The following GLIS3 variants were observed in gnomAD, a reference collection of about 807,000 sequenced individuals.
The protein encoded by GLIS3 is zinc finger protein GLIS3.
In GLIS3, 53 loss-of-function variants were observed where a neutral mutation model predicts 78.6. That is an observed-to-expected ratio of 0.67 (90% CI 0.54 to 0.85). The LOEUF (loss-of-function observed/expected upper bound fraction) is 0.85, where lower values mean the gene tolerates loss of function less well. GLIS3 is among the 40% of genes least tolerant of loss of function. The pLI is 0.00. For missense variants in GLIS3, 1,703 were observed against 1,231.1 expected (o/e 1.38, Z -5.74); for synonymous variants, 684 against 509.9 (o/e 1.34, Z -4.60).
At chr9:4,078,907 G>A (rs1055331829) in intron 4 of GLIS3, among the ~76,000 whole-genome samples, 8 of 151,698 alleles carry the variant, frequency 5.3e-5, no homozygotes, top group African/African-American at 9.7e-5. Context: ...TCTGTCCCCC[G>A]CCCCACCCCA....
chr9:3,993,651 T>C (rs1050915692), intron 4 of GLIS3, among the ~76,000 whole-genome samples: 1 of 152,160 alleles, frequency 6.6e-6, no homozygotes, highest in Non-Finnish European at 1.5e-5. Flanking sequence ...AGCATATTTG[T>C]TTGTATATAT....
chr9:4,363,342 G>C, the GLIS3 span, among the ~76,000 whole-genome samples: 1 of 152,164 alleles, frequency 6.6e-6, no homozygotes, highest in African/African-American at 2.4e-5. Context: ...AGAATTGCTT[G>C]AATCCCTGAG....
the GLIS3 span, among the ~76,000 whole-genome samples, chr9:4,457,166 C>G: frequency 6.6e-6 from 1 of 151,770 alleles, no homozygotes; most frequent in Non-Finnish European, 1.5e-5. Flanking sequence ...AGTTTGAGAC[C>G]AGCTGAGGCA....
At chr9:3,861,904 A>T (rs1213634688) in intron 8 of GLIS3, among the ~76,000 whole-genome samples, 1 of 152,206 alleles carries the variant, frequency 6.6e-6, no homozygotes, top group Non-Finnish European at 1.5e-5. Context: ...TCTGTAACAA[A>T]CCGGCACATC....
intron 2 of GLIS3, among the ~76,000 whole-genome samples, chr9:4,129,324 C>T (rs1037731668): frequency 6.6e-6 from 1 of 152,184 alleles, no homozygotes; most frequent in Admixed American, 6.5e-5. Context: ...ATCTGCCAAA[C>T]AGGGATAAAG....
intron 7 of GLIS3, among the ~76,000 whole-genome samples, chr9:3,880,447 T>C (rs1460680524): frequency 6.6e-6 from 1 of 152,248 alleles, no homozygotes; most frequent in Non-Finnish European, 1.5e-5. Flanking sequence ...ACCTACTCCG[T>C]AGACATCTCA....
chr9:4,404,064 T>C, the GLIS3 span, among the ~76,000 whole-genome samples: 166 of 150,944 alleles, frequency 1.1e-3, no homozygotes, highest in African/African-American at 3.8e-3. Flanking sequence ...CAAAGAAGAG[T>C]AGGAGTAGCT....
At chr9:4,413,246 G>A in the GLIS3 span, among the ~76,000 whole-genome samples, 1 of 152,114 alleles carries the variant, frequency 6.6e-6, no homozygotes, top group Non-Finnish European at 1.5e-5. Flanking sequence ...AGGGTTGTTG[G>A]GAAGAATTAA....
intron 4 of GLIS3, among the ~76,000 whole-genome samples, chr9:3,995,091 G>A (rs1167494807): frequency 6.6e-6 from 1 of 152,050 alleles, no homozygotes; most frequent in Admixed American, 6.6e-5. Context: ...CTTCTACATG[G>A]CAACAAAGTC....
chr9:4,412,020 C>G, the GLIS3 span, among the ~76,000 whole-genome samples: 881 of 152,240 alleles, frequency 5.8e-3, 5 homozygotes, highest in African/African-American at 0.02. Flanking sequence ...ACATGGATAT[C>G]AAATGAGAAG....
chr9:3,997,557 T>C (rs1252732153), intron 4 of GLIS3, among the ~76,000 whole-genome samples: 2 of 152,006 alleles, frequency 1.3e-5, no homozygotes, highest in Non-Finnish European at 2.9e-5. Context: ...ACTCATTCAA[T>C]ATATATGTTA....
intron 4 of GLIS3, among the ~76,000 whole-genome samples, chr9:4,030,002 T>C (rs1054946329): frequency 6.6e-6 from 1 of 152,088 alleles, no homozygotes; most frequent in African/African-American, 2.4e-5. Context: ...TCAATTTTTG[T>C]TTTTTTGAGG....
chr9:4,137,417 A>G (rs1051965064), intron 2 of GLIS3, among the ~76,000 whole-genome samples: 1 of 152,178 alleles, frequency 6.6e-6, no homozygotes, highest in African/African-American at 2.4e-5. Context: ...CTGTCCACCA[A>G]GTATGGAATC....
intron 2 of GLIS3, among the ~76,000 whole-genome samples, chr9:4,167,833 C>T (rs576177301): frequency 6.6e-5 from 10 of 152,306 alleles, no homozygotes; most frequent in South Asian, 2.1e-4. Context: ...CTATGGCTTC[C>T]GGGTCCTCTT....
chr9:4,148,539 C>T (rs10974348), intron 2 of GLIS3, among the ~76,000 whole-genome samples: 35,888 of 152,044 alleles, frequency 0.24, 4,615 homozygotes, highest in Admixed American at 0.32. Flanking sequence ...AATTCTACCT[C>T]ATGTATCTAT....
chr9:4,135,981 A>G (rs530838687), intron 2 of GLIS3, among the ~76,000 whole-genome samples: 1 of 152,312 alleles, frequency 6.6e-6, no homozygotes, highest in African/African-American at 2.4e-5. Context: ...ATGTGACTGT[A>G]TGGTGTATTA....
intron 2 of GLIS3, among the ~76,000 whole-genome samples, chr9:4,235,794 T>C (rs932922325): frequency 6.6e-6 from 1 of 152,150 alleles, no homozygotes; most frequent in African/African-American, 2.4e-5. Flanking sequence ...ACATCAATAA[T>C]AACATGGCTG....
intron 2 of GLIS3, among the ~76,000 whole-genome samples, chr9:4,141,125 T>A (rs920178168): frequency 1.3e-5 from 2 of 152,136 alleles, no homozygotes; most frequent in African/African-American, 4.8e-5. Context: ...CACAGTCTTG[T>A]GTAGAAATCT....
intron 4 of GLIS3, among the ~76,000 whole-genome samples, chr9:3,951,837 C>A (rs1356527404): frequency 7.4e-6 from 1 of 134,746 alleles, no homozygotes; most frequent in Non-Finnish European, 1.6e-5. Context: ...GAGGAATAAG[C>A]ATGAACACAC....
Sources: gnomAD v4.1 joint callset for allele counts (sites outside exome capture counted in the v4.1 genomes callset) on GRCh38, gnomAD v4.1.1 for gene constraint, MANE v1.5 for transcripts, NCBI Gene and HGNC (gene_info 2026-07-23, HGNC 2026-07-21) for gene names.